ARHGEF28: variants seen among roughly 807,000 people sequenced by gnomAD.
ARHGEF28 encodes 190 kDa guanine nucleotide exchange factor.
A neutral mutation model predicts 206.6 loss-of-function variants in ARHGEF28; 152 were observed. The ratio of observed to expected loss-of-function variants is 0.74; its 90% CI spans 0.64 to 0.84. ARHGEF28 has a LOEUF of 0.84. ARHGEF28 is among the 40% of genes least tolerant of loss of function. The pLI is 0.00. For synonymous variants in ARHGEF28, 763 were observed against 776.4 expected, an observed-to-expected ratio of 0.98 and a Z score of 0.29; for missense variants, 2,028 against 2,073.2, an observed-to-expected ratio of 0.98 and a Z score of 0.42.
intron 2 of ARHGEF28, among the ~76,000 whole-genome samples, chr5:73,731,628 T>C (rs1430185190): frequency 6.6e-6 from 1 of 152,200 alleles, no homozygotes; most frequent in Non-Finnish European, 1.5e-5. Context: ...ATTGCTTTCC[T>C]TTCTGCTAGG....
intron 2 of ARHGEF28, among the ~76,000 whole-genome samples, chr5:73,736,813 C>G (rs1251759589): frequency 7.0e-6 from 1 of 143,678 alleles, no homozygotes; most frequent in Non-Finnish European, 1.5e-5. Flanking sequence ...TAAACAACGT[C>G]GAATTTTATG....
chr5:73,883,811 A>T lies in ARHGEF28; in HGVS notation c.2982A>T (p.Glu994Asp), dbSNP rs772979563. Reference sequence around the variant, plus strand: ...TGGCTCGACGCCGAGGAATTCCAGAATGCATTCTGTTGGTCACTCAGCGTA... The same window carrying T: ...TGGCTCGACGCCGAGGAATTCCAGATTGCATTCTGTTGGTCACTCAGCGTA... ...NLLARRRGIP[E>D]CILLVTQRIT... is the part of the protein sequence containing the mutation. The change falls in exon 24 of 36, where the codon GAA becomes GAT. Residue 994 changes from glutamate (E) to aspartate (D), a missense_variant. Physicochemically the swap from Glu to Asp is conservative, Grantham distance 45. Around this residue, in one of 3 missense-constraint regions of ARHGEF28, gnomAD observed 223 missense variants for 289.9 expected, o/e 0.77. Transcript: ENST00000513042. The T allele has an allele frequency of 1.3e-6, 2 of 1,576,676 alleles. No homozygotes were observed. The highest frequency in any genetic ancestry group is 4.6e-5 in the East Asian group (2 of 43,310).
intron 12 of ARHGEF28, among the ~76,000 whole-genome samples, chr5:73,848,619 T>C (rs1758513492): frequency 6.6e-6 from 1 of 152,084 alleles, no homozygotes; most frequent in African/African-American, 2.4e-5. Context: ...AGGGCTACAG[T>C]AAAATAACAA....
chr5:73,914,151 G>A (rs1763072882), intron 35 of ARHGEF28, among the ~76,000 whole-genome samples: 2 of 152,084 alleles, frequency 1.3e-5, no homozygotes, highest in Non-Finnish European at 1.5e-5. Context: ...CCTGCCACCA[G>A]TAATTATATG....
At chr5:73,722,046 T>C (rs114126679) in intron 2 of ARHGEF28, among the ~76,000 whole-genome samples, 277 of 152,328 alleles carry the variant, frequency 1.8e-3, no homozygotes, top group African/African-American at 6.5e-3. Context: ...TTATGATCTT[T>C]TGCTGCTATT....
rs36088714 is a variant in ARHGEF28 at position 73,642,597 on chromosome 5, AT to A, written c.-12+16286del. 4.4e-3 allele frequency among the ~76,000 whole-genome samples: 641 copies of A among 146,144 alleles called. 1 individual carries two copies. The highest frequency in any genetic ancestry group is 0.025 in the South Asian group (116 of 4,616). ...TCGGTCACTCCCAAGGATTACCCTG[AT>A]TTTTTTTTTTGTTCTGTTCTACCAC... On this transcript the variant is annotated intron_variant, in intron 1 of 35. Coordinates refer to ENST00000513042, the MANE Select transcript of ARHGEF28 (RefSeq NM_001177693.2).
At chr5:73,684,952 G>T in intron 2 of ARHGEF28, 68 bp downstream of exon 2, 4 of 1,525,034 alleles carry the variant, frequency 2.6e-6, no homozygotes, top group Non-Finnish European at 3.6e-6. Flanking sequence ...TGTGACTGAA[G>T]TGGGGAGAAA....
chr5:73,809,935 C>T (rs1313227417), intron 9 of ARHGEF28, among the ~76,000 whole-genome samples: 2 of 152,094 alleles, frequency 1.3e-5, no homozygotes, highest in African/African-American at 4.8e-5. Context: ...CAGCCAGTAA[C>T]AGTCACCTGT....
chr5:73,723,399 G>C lies in ARHGEF28; in HGVS notation c.34-26438G>C, dbSNP rs548874933. 2.8e-4 allele frequency among the ~76,000 whole-genome samples: 42 copies of C among 152,266 alleles called. 1 individual carries two copies. Among genetic ancestry groups the C allele is most frequent in the African/African-American group, 9.9e-4 (41 of 41,554 alleles). ...GACGGGGTTTCACCATGTTGGCCAG[G>C]TTGGTCTCAATCTCTTGACCTCATG... On this transcript the variant is annotated intron_variant, in intron 2 of 35. Transcript: ENST00000513042.
Position 73,773,961 on chromosome 5 carries a change from A to AC in ARHGEF28, c.585dup (p.Asn196GlnfsTer14). On this transcript the variant is annotated frameshift_variant, in exon 5 of 36. Transcript: ENST00000513042. LOFTEE classifies it high-confidence loss of function. ...CGGGGGGAGTCCAGGCCTTGGCTTT[A>AC]CCCAACGAAGAGGGTGCCACACCAT... 6.2e-7 allele frequency: 1 copy of AC among 1,607,248 alleles called. No homozygotes were observed. Among genetic ancestry groups the AC allele is most frequent in the Non-Finnish European group, 8.5e-7 (1 of 1,176,746 alleles).
intron 35 of ARHGEF28, among the ~76,000 whole-genome samples, chr5:73,919,081 G>A (rs1168174591): frequency 6.6e-6 from 1 of 152,150 alleles, no homozygotes; most frequent in African/African-American, 2.4e-5. Flanking sequence ...GTACAAATGG[G>A]AAGGAAGTGT....
intron 6 of ARHGEF28, among the ~76,000 whole-genome samples, chr5:73,779,818 C>T (rs1753732244): frequency 6.6e-6 from 1 of 152,122 alleles, no homozygotes; most frequent in Non-Finnish European, 1.5e-5. Flanking sequence ...ACTTGTTGCT[C>T]CCTGCCTGTT....
At chr5:73,642,342 G>GT (rs1266766611) in intron 1 of ARHGEF28, among the ~76,000 whole-genome samples, 1 of 151,950 alleles carries the variant, frequency 6.6e-6, no homozygotes, top group Non-Finnish European at 1.5e-5. Context: ...TTTTGTTTTT[G>GT]TTTTTTTAAC....
At chr5:73,887,052 T>A (rs1761345587) in intron 25 of ARHGEF28, among the ~76,000 whole-genome samples, 1 of 152,220 alleles carries the variant, frequency 6.6e-6, no homozygotes, top group Non-Finnish European at 1.5e-5. Context: ...TTGAAAAAAA[T>A]ATTAACCACA....
chr5:73,848,159 G>C (rs1758481195), intron 12 of ARHGEF28, among the ~76,000 whole-genome samples: 2 of 152,306 alleles, frequency 1.3e-5, no homozygotes, highest in African/African-American at 4.8e-5. Flanking sequence ...TTATAGGATA[G>C]AAGTTGGGTA....
At chr5:73,815,319 G>A (rs1756129726) in intron 9 of ARHGEF28, among the ~76,000 whole-genome samples, 1 of 150,938 alleles carries the variant, frequency 6.6e-6, no homozygotes, top group East Asian at 1.9e-4. Flanking sequence ...CTATTTTTTT[G>A]TGCTGCTGTT....
chr5:73,648,725 A>G (rs1157755378), intron 1 of ARHGEF28, among the ~76,000 whole-genome samples: 2 of 152,200 alleles, frequency 1.3e-5, no homozygotes, highest in Non-Finnish European at 2.9e-5. Flanking sequence ...CCTTCTCTCA[A>G]GAATGAAGAG....
intron 2 of ARHGEF28, among the ~76,000 whole-genome samples, chr5:73,699,494 C>T (rs561849291): frequency 9.9e-5 from 15 of 152,076 alleles, no homozygotes; most frequent in Admixed American, 2.0e-4. Flanking sequence ...CAAAGACTTA[C>T]GGTTGCCTTT....
At chr5:73,645,992 C>A (rs979289836) in intron 1 of ARHGEF28, among the ~76,000 whole-genome samples, 1 of 152,100 alleles carries the variant, frequency 6.6e-6, no homozygotes, top group Non-Finnish European at 1.5e-5. Flanking sequence ...TGAGGGGAAT[C>A]TGTTAATGAC....
Sources: gnomAD v4.1 joint callset for allele counts (sites outside exome capture counted in the v4.1 genomes callset) on GRCh38, gnomAD v4.1.1 for gene constraint, gnomAD v4.1.1 regional missense constraint, MANE v1.5 for transcripts, NCBI Gene and HGNC (gene_info 2026-07-23, HGNC 2026-07-21) for gene names.